The following PTPRN2 variants were observed in gnomAD, a reference collection of about 807,000 sequenced individuals.
PTPRN2 encodes receptor-type tyrosine-protein phosphatase N2.
Under a neutral mutation model 118.8 loss-of-function variants are expected in PTPRN2, and 74 were observed. The observed-to-expected ratio is 0.62, with a 90% confidence interval of 0.52 to 0.76. PTPRN2 has a LOEUF of 0.76. PTPRN2 is among the 30% of genes least tolerant of loss of function. PTPRN2 has a pLI of 0.00. For missense variants in PTPRN2, 1,481 were observed against 1,394.4 expected (o/e 1.06, Z -0.99); for synonymous variants, 641 against 608.0 (o/e 1.05, Z -0.80).
chr7:157,736,370 A>C (rs1800297221), intron 12 of PTPRN2, among the ~76,000 whole-genome samples: 1 of 152,192 alleles, frequency 6.6e-6, no homozygotes, highest in East Asian at 1.9e-4. Context: ...AGGACCTCCA[A>C]GGAGCTAATT....
intron 3 of PTPRN2, among the ~76,000 whole-genome samples, chr7:158,311,188 A>T (rs1170338406): frequency 6.6e-6 from 1 of 152,228 alleles, no homozygotes; most frequent in African/African-American, 2.4e-5. Flanking sequence ...CCCGGATGCC[A>T]TCCCAGCCAG....
At chr7:157,755,538 T>C (rs1801730297) in intron 12 of PTPRN2, among the ~76,000 whole-genome samples, 1 of 152,178 alleles carries the variant, frequency 6.6e-6, no homozygotes, top group African/African-American at 2.4e-5. Flanking sequence ...TGGAATACTA[T>C]GCAACCATAA....
intron 2 of PTPRN2, among the ~76,000 whole-genome samples, chr7:158,408,132 C>T (rs1813745857): frequency 6.6e-6 from 1 of 152,222 alleles, no homozygotes; most frequent in South Asian, 2.1e-4. Context: ...ACACTGACAT[C>T]TGGTGGCCTT....
chr7:158,011,332 C>A (rs1349298554), intron 11 of PTPRN2, among the ~76,000 whole-genome samples: 1 of 152,220 alleles, frequency 6.6e-6, no homozygotes, highest in Non-Finnish European at 1.5e-5. Flanking sequence ...GTAGAGGCCT[C>A]TTCTCTATCA....
At chr7:158,499,666 G>A (rs1447154819) in intron 1 of PTPRN2, among the ~76,000 whole-genome samples, 1 of 152,156 alleles carries the variant, frequency 6.6e-6, no homozygotes, top group East Asian at 1.9e-4. Context: ...AGCTACTTGG[G>A]AGGCTGAAGC....
chr7:158,327,221 GTAA>G (rs1803675463), intron 2 of PTPRN2, among the ~76,000 whole-genome samples: 1 of 146,676 alleles, frequency 6.8e-6, no homozygotes, highest in African/African-American at 2.6e-5. Context: ...AAACACACAC[GTAA>G]ACATTCTCAT....
At chr7:157,715,475 T>C (rs950410780) in intron 12 of PTPRN2, among the ~76,000 whole-genome samples, 1 of 152,206 alleles carries the variant, frequency 6.6e-6, no homozygotes, top group African/African-American at 2.4e-5. Context: ...CGGTTCTGCT[T>C]GGCGCTGGCT....
At position 158,549,945 on chromosome 7, in the gene PTPRN2, C is replaced by T. The variant is rs142899651; in HGVS notation, c.112+37613G>A. ...AGACCCAGCACGAAAGGGAAGCAGGCCTGGGAGCCCTCCCCCTTGCCCTCG... is the reference window on the plus strand; with the variant it reads ...AGACCCAGCACGAAAGGGAAGCAGGTCTGGGAGCCCTCCCCCTTGCCCTCG... On this transcript the variant is annotated intron_variant, in intron 1 of 22. Coordinates refer to ENST00000389418, the MANE Select transcript of PTPRN2 (RefSeq NM_002847.5). Among the ~76,000 whole-genome samples, 14 of 152,356 alleles carry T rather than the reference C, an allele frequency of 9.2e-5. 1 individual carries two copies. The East Asian group carries it at 2.5e-3, about 27-fold the overall frequency.
chr7:157,756,107 T>C (rs1345430127), intron 12 of PTPRN2, among the ~76,000 whole-genome samples: 1 of 152,108 alleles, frequency 6.6e-6, no homozygotes, highest in Non-Finnish European at 1.5e-5. Context: ...TGAAAAACAG[T>C]AGGAAATGCC....
intron 3 of PTPRN2, among the ~76,000 whole-genome samples, chr7:158,268,045 G>A (rs928903223): frequency 6.6e-6 from 1 of 152,198 alleles, no homozygotes. Flanking sequence ...CACCCTCGTG[G>A]TGTGACAGCC....
At chr7:158,267,387 C>G (rs1797957457) in intron 3 of PTPRN2, among the ~76,000 whole-genome samples, 1 of 152,190 alleles carries the variant, frequency 6.6e-6, no homozygotes, top group Admixed American at 6.5e-5. Context: ...CTCTCTCCAT[C>G]TGGAGCCGCC....
At chr7:158,334,614 A>T (rs1471098500) in intron 2 of PTPRN2, among the ~76,000 whole-genome samples, 5 of 106,390 alleles carry the variant, frequency 4.7e-5, no homozygotes, top group African/African-American at 9.7e-5. Context: ...ATAAGAGCCG[A>T]CGCCCGCAGA....
At chr7:158,196,096 T>C (rs1212573186) in intron 4 of PTPRN2, among the ~76,000 whole-genome samples, 2 of 152,188 alleles carry the variant, frequency 1.3e-5, no homozygotes, top group African/African-American at 2.4e-5. Context: ...CAAGTCTTGA[T>C]AGGTTTGAAG....
At chr7:158,421,444 T>C (rs1350800074) in intron 2 of PTPRN2, among the ~76,000 whole-genome samples, 1 of 152,234 alleles carries the variant, frequency 6.6e-6, no homozygotes, top group African/African-American at 2.4e-5. Flanking sequence ...CAAAGCGACA[T>C]TGAAAGTTTT....
intron 3 of PTPRN2, among the ~76,000 whole-genome samples, chr7:158,282,616 G>A (rs1223092212): frequency 5.9e-5 from 9 of 152,172 alleles, no homozygotes; most frequent in South Asian, 2.1e-4. Context: ...CAGGACAGAC[G>A]GCTGATCCCT....
chr7:157,943,639 G>A (rs953619777), intron 11 of PTPRN2, among the ~76,000 whole-genome samples: 1 of 150,826 alleles, frequency 6.6e-6, no homozygotes, highest in African/African-American at 2.4e-5. Context: ...CTCCCAAGAT[G>A]CCAAGGAAGC....
intron 16 of PTPRN2, among the ~76,000 whole-genome samples, chr7:157,595,917 C>T (rs1222966920): frequency 6.6e-6 from 1 of 152,188 alleles, no homozygotes; most frequent in Non-Finnish European, 1.5e-5. Flanking sequence ...GACCAGTAGC[C>T]CAAGGAGGGC....
chr7:157,698,361 G>A (rs929301198), intron 12 of PTPRN2, among the ~76,000 whole-genome samples: 2 of 152,152 alleles, frequency 1.3e-5, no homozygotes, highest in African/African-American at 4.8e-5. Context: ...CTCATATGCC[G>A]ATGAATCTGA....
intron 12 of PTPRN2, among the ~76,000 whole-genome samples, chr7:157,748,441 CCTGAGCTGTGGGGTGTCT>C (rs1801174615): frequency 1.5e-5 from 2 of 134,358 alleles, no homozygotes; most frequent in African/African-American, 2.8e-5. Context: ...GGCCTGTGTC[CCTGAGCTGTGGGGTGTCT>C]GGGTGATTCT....
Sources: gnomAD v4.1 joint callset for allele counts (sites outside exome capture counted in the v4.1 genomes callset) on GRCh38, gnomAD v4.1.1 for gene constraint, MANE v1.5 for transcripts, NCBI Gene and HGNC (gene_info 2026-07-23, HGNC 2026-07-21) for gene names.